FYB1: variants seen among roughly 807,000 people sequenced by gnomAD.
FYB1 encodes FYN binding protein 1, also known as FYN-binding protein 1.
FYB1 carries 41 observed loss-of-function variants against 94.1 expected under a neutral mutation model. That is an observed-to-expected ratio of 0.44 (90% confidence interval 0.34 to 0.57). FYB1 has a LOEUF of 0.57. FYB1 is among the 20% of genes least tolerant of loss of function. The pLI is 0.02. For synonymous variants in FYB1, 367 were observed against 353.2 expected (o/e 1.04, Z -0.44); for missense variants, 1,050 against 976.8 (o/e 1.07, Z -1.00).
intron 2 of FYB1, among the ~76,000 whole-genome samples, chr5:39,172,770 G>A (rs1263029191): frequency 6.6e-6 from 1 of 152,162 alleles, no homozygotes; most frequent in Non-Finnish European, 1.5e-5. Flanking sequence ...TGCTGCAAAG[G>A]ACATGACTTC....
chr5:39,197,791 G>A (rs1409924823), intron 2 of FYB1, among the ~76,000 whole-genome samples: 1 of 152,182 alleles, frequency 6.6e-6, no homozygotes, highest in African/African-American at 2.4e-5. Flanking sequence ...TGCCACTTGG[G>A]TGCCGCCTAC....
intron 13 of FYB1, 106 bp downstream of exon 13, chr5:39,124,147 A>G: frequency 2.6e-6 from 2 of 767,864 alleles, no homozygotes; most frequent in African/African-American, 1.9e-5. Context: ...ACAATTTATT[A>G]TTTTCAGAGT....
In FYB1 at chr5:39,124,240, T is replaced by C; in HGVS notation, c.2071+13A>G. The stretch of plus-strand genomic sequence containing the variant: ...TGAAGATACAGAACATACAATCAGT[T>C]TTTATTACTTACCCAATTGTTTAGG... On this transcript the variant is annotated intron_variant, in intron 13 of 18. Coordinates refer to ENST00000512982, the MANE Select transcript of FYB1 (RefSeq NM_001465.6). 1 of 1,548,546 alleles carries C rather than the reference T, an allele frequency of 6.5e-7. No homozygotes were observed. Among genetic ancestry groups the C allele is most frequent in the South Asian group, 1.2e-5 (1 of 82,906 alleles).
rs1738952775 is a variant in FYB1, at chr5:39,110,366, G to C, written c.2425C>G (p.Leu809Val). 6.3e-7 allele frequency: 1 copy of C among 1,593,934 alleles called. No individual in the cohort carries two copies. Among genetic ancestry groups the C allele is most frequent in the Non-Finnish European group, 8.6e-7 (1 of 1,167,190 alleles). Residue 809 changes from leucine (L) to valine (V), a missense_variant, in exon 17 of 19, where the codon CTA becomes GTA. Leu to Val is a conservative substitution (Grantham distance 32, BLOSUM62 1). Transcript: ENST00000512982. The stretch of plus-strand genomic sequence containing the variant: ...AGAAAATGGGCTTACTTGTCCGCTA[G>C]GTAACTCCGAAGGACATAACCATCT... ...GKYGYVLRSY[L>V]ADNDGEIYDD... is the part of the protein sequence containing the mutation.
intron 2 of FYB1, among the ~76,000 whole-genome samples, chr5:39,170,726 T>TAG (rs1561208252): frequency 3.3e-5 from 5 of 152,254 alleles, no homozygotes; most frequent in African/African-American, 1.2e-4. Flanking sequence ...TCATTATGGC[T>TAG]CCAATTTCAA....
intron 2 of FYB1, among the ~76,000 whole-genome samples, chr5:39,155,470 A>C (rs1375322795): frequency 6.6e-6 from 1 of 152,208 alleles, no homozygotes; most frequent in African/African-American, 2.4e-5. Flanking sequence ...AACTCAAGAT[A>C]TTTATGTTAG....
At chr5:39,110,633 C>T (rs920609547) in intron 16 of FYB1, 1 of 397,120 alleles carries the variant, frequency 2.5e-6, no homozygotes, top group Non-Finnish European at 4.6e-6. Context: ...ACCTTTCCTC[C>T]TTTCCCCTTT....
chr5:39,146,358 G>A (rs1175479535), intron 3 of FYB1, among the ~76,000 whole-genome samples: 13 of 152,054 alleles, frequency 8.5e-5, no homozygotes, highest in African/African-American at 3.1e-4. Context: ...TCGTAATTAT[G>A]GGGTAATTGC....
chr5:39,140,145 T>C (rs952073805), intron 4 of FYB1: 1 of 152,216 alleles, frequency 6.6e-6, no homozygotes, highest in African/African-American at 2.4e-5. Context: ...TTCGATTATA[T>C]CAAAATTTAT....
At chr5:39,143,815 AACTGTTAATCTAATAAACTC>A (rs1742399908) in intron 3 of FYB1, among the ~76,000 whole-genome samples, 1 of 152,194 alleles carries the variant, frequency 6.6e-6, no homozygotes, top group Non-Finnish European at 1.5e-5. Context: ...GGTAGGGACT[AACTGTTAATCTAATAAACTC>A]ACTTTAAAAA....
intron 1 of FYB1, among the ~76,000 whole-genome samples, chr5:39,232,800 G>A (rs1750804902): frequency 6.9e-6 from 1 of 145,876 alleles, no homozygotes; most frequent in Non-Finnish European, 1.5e-5. Flanking sequence ...TCCCACCTAT[G>A]AGTGAGAATA....
chr5:39,194,070 G>A (rs1480861710), intron 2 of FYB1, among the ~76,000 whole-genome samples: 2 of 152,174 alleles, frequency 1.3e-5, no homozygotes, highest in Admixed American at 1.3e-4. Flanking sequence ...ACATATCCTG[G>A]CTAAGATTCT....
At chr5:39,232,262 A>T (rs189338877) in intron 1 of FYB1, among the ~76,000 whole-genome samples, 5 of 152,284 alleles carry the variant, frequency 3.3e-5, no homozygotes, top group Admixed American at 6.5e-5. Context: ...AACATTTAAT[A>T]TAAACTTTTC....
intron 1 of FYB1, among the ~76,000 whole-genome samples, chr5:39,229,973 T>C (rs1381277024): frequency 6.6e-6 from 1 of 152,180 alleles, no homozygotes; most frequent in Non-Finnish European, 1.5e-5. Flanking sequence ...AGCTCTCAGA[T>C]GATTCTAATG....
chr5:39,112,590 C>T (rs560325454), intron 16 of FYB1, among the ~76,000 whole-genome samples: 17 of 152,062 alleles, frequency 1.1e-4, no homozygotes, highest in South Asian at 2.1e-4. Context: ...TATTTGCTTA[C>T]GCTTTTAGGT....
intron 2 of FYB1, among the ~76,000 whole-genome samples, chr5:39,166,268 C>G (rs2150386235): frequency 6.6e-6 from 1 of 152,216 alleles, no homozygotes; most frequent in South Asian, 2.1e-4. Context: ...GAAACCCCTT[C>G]TGTCCTAAAA....
At chr5:39,190,465 G>T (rs1026149170) in intron 2 of FYB1, among the ~76,000 whole-genome samples, 3 of 152,098 alleles carry the variant, frequency 2.0e-5, no homozygotes, top group Admixed American at 1.3e-4. Context: ...AGGGCCCCCA[G>T]CTGGTAGGTA....
intron 1 of FYB1, among the ~76,000 whole-genome samples, chr5:39,213,894 G>A (rs1423090403): frequency 1.3e-5 from 2 of 152,120 alleles, no homozygotes; most frequent in Non-Finnish European, 2.9e-5. Context: ...TTGAAGAGGG[G>A]CATAAACAGA....
chr5:39,152,199 G>A (rs143472000), intron 3 of FYB1, among the ~76,000 whole-genome samples: 77 of 152,238 alleles, frequency 5.1e-4, no homozygotes, highest in African/African-American at 1.8e-3. Flanking sequence ...AATGCACAAC[G>A]CAGGTCATAT....
Sources: gnomAD v4.1 joint callset for allele counts (sites outside exome capture counted in the v4.1 genomes callset) on GRCh38, gnomAD v4.1.1 for gene constraint, MANE v1.5 for transcripts, NCBI Gene and HGNC (gene_info 2026-07-23, HGNC 2026-07-21) for gene names.